Variants in MAPK8IP3 observed in about 807,000 individuals in gnomAD.
MAPK8IP3 encodes mitogen-activated protein kinase 8 interacting protein 3, also known as C-Jun-amino-terminal kinase-interacting protein 3.
In MAPK8IP3, 49 loss-of-function variants were observed where a neutral mutation model predicts 157.8. The ratio of observed to expected loss-of-function variants is 0.31; its 90% CI spans 0.25 to 0.39. The LOEUF (loss-of-function observed/expected upper bound fraction) is 0.39, where lower values mean the gene tolerates loss of function less well. MAPK8IP3 is among the 10% of genes least tolerant of loss of function. MAPK8IP3 has a pLI of 1.00. For synonymous variants in MAPK8IP3, 897 were observed against 777.7 expected, an observed-to-expected ratio of 1.15 and a Z score of -2.55; for missense variants, 1,478 against 1,889.4, an observed-to-expected ratio of 0.78 and a Z score of 4.04.
intron 1 of MAPK8IP3, among the ~76,000 whole-genome samples, chr16:1,721,342 T>G (rs1416311629): frequency 1.3e-5 from 2 of 151,800 alleles, no homozygotes; most frequent in Non-Finnish European, 2.9e-5. Context: ...TGCTCATGCC[T>G]GTAATCCCAG....
Position 1,768,726 on chromosome 16 carries a change from G to A in MAPK8IP3, c.3916G>A (p.Glu1306Lys). ...RIGDGEDDET[E>K]EGAGDMSQVK... ...AGGAGACGGAGAGGACGACGAGACG[G>A]AGGAGGGCGCAGGGGACATGAGCCA... is the stretch of plus-strand genomic sequence containing the variant. The change falls in exon 32 of 32, where the codon GAG becomes AAG. Residue 1306 changes from glutamate (E) to lysine (K), a missense_variant. Physicochemically the swap from Glu to Lys is moderately conservative, Grantham distance 56. This residue lies in a region of MAPK8IP3 where 133 missense variants were observed against 133.4 expected (regional missense o/e 1.00). Coordinates refer to ENST00000610761, the MANE Select transcript of MAPK8IP3 (RefSeq NM_001318852.2). 1 of 1,612,760 alleles carries A rather than the reference G, an allele frequency of 6.2e-7. No homozygotes were observed. Among genetic ancestry groups the A allele is most frequent in the Non-Finnish European group, 8.5e-7 (1 of 1,179,856 alleles).
At chr16:1,719,687 A>G in intron 1 of MAPK8IP3, among the ~76,000 whole-genome samples, 1 of 150,344 alleles carries the variant, frequency 6.7e-6, no homozygotes, top group Admixed American at 6.6e-5. Context: ...AAAAAAAAAA[A>G]CCACAAAAAT....
At position 1,743,861 on chromosome 16, in the gene MAPK8IP3, CCT is replaced by C. The variant is rs1329565995; in HGVS notation, c.747+386_747+387del. 2.5e-5 allele frequency: 27 copies of C among 1,094,406 alleles called. No individual in the cohort carries two copies. Among genetic ancestry groups the C allele is most frequent in the Non-Finnish European group, 3.0e-5 (27 of 897,954 alleles). 67.8% of individuals were successfully genotyped at this position (1,094,406 alleles called of 1,614,324 possible). A position where few individuals can be genotyped will look rare whatever the true frequency, so the allele number is the denominator to read the frequency against. ...GGGCTCCAGCCAGACACATCCTGCC[CCT>C]GAGAGCCACGCCTCTACTCTCGGAG... is the stretch of plus-strand genomic sequence containing the variant. On this transcript the variant is annotated intron_variant, in intron 5 of 31. Transcript: ENST00000610761. The surrounding 1 kb of genome is among the most constrained non-coding windows in gnomAD (Gnocchi z 5.6).
At chr16:1,738,116 G>A (rs535739465) in intron 4 of MAPK8IP3, among the ~76,000 whole-genome samples, 3 of 97,358 alleles carry the variant, frequency 3.1e-5, no homozygotes, top group South Asian at 5.5e-4. Context: ...GTGACCGTCC[G>A]TGTGAGCGTG....
chr16:1,764,399 C>T lies in MAPK8IP3; in HGVS notation c.2220C>T (p.Thr740=). 1.2e-6 allele frequency: 2 copies of T among 1,602,442 alleles called. No individual in the cohort carries two copies. Among genetic ancestry groups the T allele is most frequent in the Middle Eastern group, 2.0e-4 (1 of 5,002 alleles). Residue 740 remains threonine, a synonymous_variant, in exon 19 of 32, where the codon ACC becomes ACT. Transcript: ENST00000610761. ...CAGCGCCAGGCCGCGATCCCCTGAC[C>T]TGCGACCGCGAAGGAGACGGCGAGC... The part of the protein sequence containing the change: ...VKPAPGRDPL[T]CDREGDGEPK...
intron 25 of MAPK8IP3, 83 bp from the exon 26 acceptor site, chr16:1,767,066 C>T: frequency 6.3e-7 from 1 of 1,584,072 alleles, no homozygotes; most frequent in Non-Finnish European, 8.6e-7. Flanking sequence ...TCTCCTTAGT[C>T]TGGCAGTGGG....
In MAPK8IP3 at chr16:1,747,121, C is replaced by T. The variant is rs1365650146; in HGVS notation, c.840C>T (p.Ser280=). The change falls in exon 6 of 32, where the codon TCC becomes TCT. Residue 280 remains serine, a synonymous_variant. Transcript: ENST00000610761. ...CCAAGTCCAACACGCCCACATCCTC[C>T]GTGCCCTCGGCCGCCGTCACACCCC... is the stretch of plus-strand genomic sequence containing the variant. The part of the protein sequence containing the change: ...TGTKSNTPTS[S]VPSAAVTPLN... 3.7e-6 allele frequency: 6 copies of T among 1,613,976 alleles called. No individual in the cohort carries two copies. Among genetic ancestry groups the T allele is most frequent in the East Asian group, 2.2e-5 (1 of 44,880 alleles).
At chr16:1,753,469 C>T (rs1008783545) in intron 8 of MAPK8IP3, among the ~76,000 whole-genome samples, 2 of 150,890 alleles carry the variant, frequency 1.3e-5, no homozygotes, top group East Asian at 2.0e-4. Flanking sequence ...GAGACGGAGT[C>T]TTGCTCTGTT....
At chr16:1,719,600 T>G (rs1446799338) in intron 1 of MAPK8IP3, among the ~76,000 whole-genome samples, 1 of 139,202 alleles carries the variant, frequency 7.2e-6, no homozygotes, top group East Asian at 2.1e-4. Flanking sequence ...TCTGGGAGGC[T>G]GAGGGGGGAT....
chr16:1,739,926 C>A (rs2040535500), intron 4 of MAPK8IP3, among the ~76,000 whole-genome samples: 1 of 79,436 alleles, frequency 1.3e-5, no homozygotes, highest in African/African-American at 5.1e-5. Flanking sequence ...GTGTGAGCTT[C>A]CGTGTGACTG....
intron 2 of MAPK8IP3, among the ~76,000 whole-genome samples, chr16:1,727,434 G>A (rs1322232495): frequency 3.3e-5 from 5 of 152,010 alleles, no homozygotes; most frequent in Admixed American, 6.6e-5. Flanking sequence ...CATGTGTCAC[G>A]TGTCATGTCT....
At chr16:1,734,482 G>T (rs893603107) in intron 4 of MAPK8IP3, among the ~76,000 whole-genome samples, 1 of 152,262 alleles carries the variant, frequency 6.6e-6, no homozygotes, top group Non-Finnish European at 1.5e-5. Flanking sequence ...CTCACGTGCT[G>T]TCTGCCACCT....
Position 1,741,265 on chromosome 16 carries a change from A to G in MAPK8IP3, c.603-2067A>G, listed in dbSNP as rs1472211510. On this transcript the variant is annotated intron_variant, in intron 4 of 31. Coordinates refer to ENST00000610761, the MANE Select transcript of MAPK8IP3 (RefSeq NM_001318852.2). This position sits in a 1 kb window ranked among gnomAD's most constrained non-coding sequence, Gnocchi z 6.9. ...ATCCCCTGAGGGAGCTGCGAGGACA[A>G]ATCGGGAGGACGGGGTCAGTCGGCA... Among the ~76,000 whole-genome samples the G allele has an allele frequency of 1.3e-5, 2 of 152,178 alleles. No individual in the cohort carries two copies. The highest frequency in any genetic ancestry group is 2.9e-5 in the Non-Finnish European group (2 of 68,014).
Position 1,763,694 on chromosome 16 carries a change from G to C in MAPK8IP3, c.1936G>C (p.Glu646Gln). 1 of 1,594,668 alleles carries C rather than the reference G, an allele frequency of 6.3e-7. No homozygotes were observed. Among genetic ancestry groups the C allele is most frequent in the South Asian group, 1.1e-5 (1 of 89,014 alleles). Residue 646 changes from glutamate to glutamine, a missense_variant, in exon 17 of 32, where the codon GAG (glutamate) becomes CAG (glutamine). Glu to Gln is a conservative substitution (Grantham distance 29). Coordinates refer to ENST00000610761, the MANE Select transcript of MAPK8IP3 (RefSeq NM_001318852.2). Reference protein sequence around the residue: ...TSSARREQKREQYRQVREHVR... With the variant: ...TSSARREQKRQQYRQVREHVR... ...CTCCGCCCGTCGAGAGCAGAAGCGC[G>C]AGCAGTACCGCCAGGTGCGTGAGCA...
intron 5 of MAPK8IP3, chr16:1,744,676 G>A (rs1043330445): frequency 3.8e-5 from 37 of 985,408 alleles, no homozygotes; most frequent in Non-Finnish European, 4.1e-5. Flanking sequence ...GCCGGGGGGA[G>A]CCCTTGCTTG....
chr16:1,729,799 G>C (rs1234271880), intron 4 of MAPK8IP3, among the ~76,000 whole-genome samples: 1 of 152,110 alleles, frequency 6.6e-6, no homozygotes, highest in East Asian at 1.9e-4. Flanking sequence ...TCGAGCCCGT[G>C]TGTCCCTTCT....
At chr16:1,712,293 C>G (rs528491638) in intron 1 of MAPK8IP3, among the ~76,000 whole-genome samples, 2 of 151,984 alleles carry the variant, frequency 1.3e-5, no homozygotes, top group Non-Finnish European at 2.9e-5. Flanking sequence ...GATCTGCTGA[C>G]CTCGTGATCC....
At chr16:1,763,948 G>A in intron 17 of MAPK8IP3, 165 bp downstream of exon 17, 3 of 1,045,426 alleles carry the variant, frequency 2.9e-6, no homozygotes, top group East Asian at 2.7e-5. Flanking sequence ...TCCTGGGCAG[G>A]GGTCTGGAGG....
At position 1,710,596 on chromosome 16, in the gene MAPK8IP3, AT is replaced by A. The variant is rs1280800973; in HGVS notation, c.318+3944del. Among the ~76,000 whole-genome samples, 2 of 152,140 alleles carry A rather than the reference AT, an allele frequency of 1.3e-5. No homozygotes were observed. The highest frequency in any genetic ancestry group is 4.8e-5 in the African/African-American group (2 of 41,440). On this transcript the variant is annotated intron_variant, in intron 1 of 31. Transcript: ENST00000610761. This position sits in a 1 kb window ranked among gnomAD's most constrained non-coding sequence, Gnocchi z 4.1. ...GCTCTACAGAGATGATCAGTCTGCC[AT>A]TTTTCCTTCTTTTTTTCTCCTCTGC...
Sources: gnomAD v4.1 joint callset for allele counts (sites outside exome capture counted in the v4.1 genomes callset) on GRCh38, gnomAD v4.1.1 for gene constraint, gnomAD v4.1.1 regional missense constraint, Gnocchi (gnomAD v3.1) non-coding constraint, MANE v1.5 for transcripts, NCBI Gene and HGNC (gene_info 2026-07-23, HGNC 2026-07-21) for gene names.